IARS1: variants seen among roughly 807,000 people sequenced by gnomAD.
The protein encoded by IARS1 is isoleucyl-tRNA synthetase 1.
IARS1 carries 124 observed loss-of-function variants against 168.2 expected under a neutral mutation model. The observed-to-expected ratio is 0.74, with a 90% confidence interval of 0.64 to 0.86. The LOEUF is 0.86. Ranked by LOEUF, IARS1 falls within the 40% of genes least tolerant of loss-of-function variation. The pLI, the probability that IARS1 is intolerant of heterozygous loss-of-function variation, is 0.00. For synonymous variants in IARS1, 532 were observed against 529.4 expected (o/e 1.00, Z -0.07); for missense variants, 1,452 against 1,515.8 (o/e 0.96, Z 0.70).
At chr9:92,287,940 G>C in intron 3 of IARS1, 30 bp from the exon 4 acceptor site, 5 of 1,610,580 alleles carry the variant, frequency 3.1e-6, no homozygotes, top group Non-Finnish European at 4.2e-6. Flanking sequence ...CTGTTACCAC[G>C]CTGCCCTATG....
At position 92,253,371 on chromosome 9, in the gene IARS1, T is replaced by C; in HGVS notation, c.2220A>G (p.Arg740=). The change falls in exon 21 of 34, where the codon AGA becomes AGG. Residue 740 remains arginine (R), a synonymous_variant. Coordinates refer to ENST00000443024, the MANE Select transcript of IARS1 (RefSeq NM_002161.6). The part of the protein sequence containing the change: ...LTNWYVRMNR[R]RLKGENGMED... ...AGCAGTCTGCACTTACCTTTAATCT[T>C]CTGCGGTTCATTCTAACATACCAAT... 1 of 1,611,200 alleles carries C rather than the reference T, an allele frequency of 6.2e-7. No individual in the cohort carries two copies. Among genetic ancestry groups the C allele is most frequent in the Non-Finnish European group, 8.5e-7 (1 of 1,177,498 alleles).
chr9:92,250,598 G>T, intron 23 of IARS1, 115 bp downstream of exon 23: 1 of 1,198,096 alleles, frequency 8.3e-7, no homozygotes, highest in Non-Finnish European at 1.1e-6. Context: ...GTCAGCTGGG[G>T]CGGGAGGCAA....
chr9:92,220,296 T>C (rs1343079992), intron 33 of IARS1, among the ~76,000 whole-genome samples: 12 of 129,768 alleles, frequency 9.2e-5, no homozygotes, highest in African/African-American at 1.8e-4. Context: ...AGGGATAGCA[T>C]TGGGAGATAT....
At chr9:92,236,078 G>T (rs147298980) in intron 30 of IARS1, among the ~76,000 whole-genome samples, 1 of 151,898 alleles carries the variant, frequency 6.6e-6, no homozygotes, top group Non-Finnish European at 1.5e-5. Flanking sequence ...TGCCTCCCAG[G>T]TTACAGCAAT....
chr9:92,248,131 G>C (rs1829490214), intron 25 of IARS1, among the ~76,000 whole-genome samples: 2 of 152,164 alleles, frequency 1.3e-5, no homozygotes, highest in African/African-American at 4.8e-5. Context: ...TCATCCCTCA[G>C]AGGTAACCTT....
intron 26 of IARS1, 132 bp from the exon 27 acceptor site, chr9:92,245,203 C>T: frequency 1.4e-6 from 1 of 691,956 alleles, no homozygotes; most frequent in Admixed American, 2.3e-5. Context: ...AGATCATTTC[C>T]CTCTGACTCA....
rs1192945536 is a variant in IARS1 at position 92,229,042 on chromosome 9, C to A, written c.3368G>T (p.Gly1123Val). ...GACAGCCAGCTCTGTATTTTTCACA[C>A]CAAAAATGCTAGTGACAACACTCTT... ...KLKSVVTSIF[G>V]VKNTELAVFH... is the part of the protein sequence containing the mutation. Residue 1123 changes from glycine (G) to valine (V), a missense_variant, in exon 31 of 34, where the codon GGT (glycine) becomes GTT (valine). Transcript: ENST00000443024. 6.2e-7 allele frequency: 1 copy of A among 1,614,040 alleles called. No homozygotes were observed. Among genetic ancestry groups the A allele is most frequent in the African/African-American group, 1.3e-5 (1 of 74,990 alleles).
At chr9:92,281,102 G>A (rs1239092057) in intron 6 of IARS1, among the ~76,000 whole-genome samples, 1 of 149,220 alleles carries the variant, frequency 6.7e-6, no homozygotes, top group Non-Finnish European at 1.5e-5. Context: ...CACCTTAGTA[G>A]TCTCAAAAAT....
intron 23 of IARS1, 24 bp from the exon 24 acceptor site, chr9:92,250,313 GA>G: frequency 7.1e-7 from 1 of 1,401,726 alleles, no homozygotes. Context: ...GTAGGAATAT[GA>G]AAGAGTTTAG....
intron 27 of IARS1, among the ~76,000 whole-genome samples, chr9:92,243,876 T>C (rs1267927754): frequency 6.6e-6 from 1 of 152,194 alleles, no homozygotes; most frequent in African/African-American, 2.4e-5. Flanking sequence ...TCTCATCTAT[T>C]CTGAAGGTTG....
chr9:92,289,206 C>CAA (rs11438082), intron 2 of IARS1, 95 bp downstream of exon 2: 16,120 of 322,080 alleles, frequency 0.05, 140 homozygotes, highest in South Asian at 0.061. Context: ...GACTCCATCT[C>CAA]AAAAAAAAAA....
intron 29 of IARS1, among the ~76,000 whole-genome samples, chr9:92,241,509 C>G (rs1358542447): frequency 6.6e-6 from 1 of 152,130 alleles, no homozygotes; most frequent in Non-Finnish European, 1.5e-5. Flanking sequence ...CCATGCCCAG[C>G]TAATTTTCGT....
intron 30 of IARS1, among the ~76,000 whole-genome samples, chr9:92,236,397 G>A (rs1827534693): frequency 6.6e-6 from 1 of 150,432 alleles, no homozygotes; most frequent in South Asian, 2.1e-4. Flanking sequence ...GTGTACAACT[G>A]GTGTTAATTC....
chr9:92,248,652 C>CAAAAAA (rs886459066), intron 25 of IARS1, among the ~76,000 whole-genome samples: 2 of 46,732 alleles, frequency 4.3e-5, no homozygotes, highest in Admixed American at 2.5e-4. Flanking sequence ...GACCCTGTCA[C>CAAAAAA]AAAAAAAAAA....
intron 31 of IARS1, among the ~76,000 whole-genome samples, chr9:92,226,553 G>C (rs1036428622): frequency 1.3e-5 from 2 of 152,138 alleles, no homozygotes; most frequent in African/African-American, 4.8e-5. Flanking sequence ...TAAACTGCAG[G>C]GGGCTAGGGA....
chr9:92,281,000 C>T (rs902439848), intron 6 of IARS1, 107 bp from the exon 7 acceptor site: 17 of 637,070 alleles, frequency 2.7e-5, no homozygotes, highest in African/African-American at 1.9e-4. Flanking sequence ...CAGGGTAAAC[C>T]GAAGAAACCA....
At chr9:92,268,630 T>C (rs999039528) in intron 13 of IARS1, among the ~76,000 whole-genome samples, 2 of 152,196 alleles carry the variant, frequency 1.3e-5, no homozygotes, top group Admixed American at 6.5e-5. Flanking sequence ...CTTCACATTA[T>C]CCTCACCATA....
At position 92,282,860 on chromosome 9, in the gene IARS1, A is replaced by ATATATATT. The variant is rs1230782830; in HGVS notation, c.598-1968_598-1967insAATATATA. Among the ~76,000 whole-genome samples, 232 of 132,840 alleles carry ATATATATT rather than the reference A, an allele frequency of 1.7e-3. 2 individuals are homozygous for ATATATATT. Among genetic ancestry groups the ATATATATT allele is most frequent in the African/African-American group, 6.4e-3 (222 of 34,544 alleles). The allele number at this position is 132,840 out of a possible 152,430, so 87.1% of individuals were successfully genotyped here. A position where few individuals can be genotyped will look rare whatever the true frequency, so the allele number is the denominator to read the frequency against. The stretch of plus-strand genomic sequence containing the variant: ...CACACATATATATATATATATATAT[A>ATATATATT]TTTTTTTTTTTTGAGACAGAGTCTA... On this transcript the variant is annotated intron_variant, in intron 6 of 33. Transcript: ENST00000443024.
intron 30 of IARS1, among the ~76,000 whole-genome samples, chr9:92,229,358 TACACACACACACACAC>T (rs113517739): frequency 2.1e-5 from 3 of 144,830 alleles, no homozygotes; most frequent in Non-Finnish European, 4.5e-5. Context: ...ATATATACAC[TACACACACACACACAC>T]ACACACACAC....
Sources: allele counts gnomAD v4.1 joint callset (sites outside exome capture counted in the v4.1 genomes callset), GRCh38; gene constraint gnomAD v4.1.1; transcripts MANE v1.5; gene names NCBI Gene and HGNC (gene_info 2026-07-23, HGNC 2026-07-21).